The following WWOX variants were observed in gnomAD, a reference collection of about 807,000 sequenced individuals.
WWOX encodes the protein WW domain-containing oxidoreductase.
Under a neutral mutation model 46.2 loss-of-function variants are expected in WWOX, and 69 were observed. The ratio of observed to expected loss-of-function variants is 1.49; its 90% CI spans 1.23 to 1.82. WWOX has a LOEUF of 1.82. WWOX is among the 40% of genes most tolerant of loss of function. The probability of loss-of-function intolerance (pLI) is 0.00; values close to 1 mark genes in which losing one functional copy is unlikely to be tolerated. For synonymous variants in WWOX, 359 were observed against 202.6 expected (o/e 1.77, Z -6.56); for missense variants, 919 against 542.6 (o/e 1.69, Z -6.89).
intron 5 of WWOX, among the ~76,000 whole-genome samples, chr16:78,346,251 TCA>T (rs2081092399): frequency 8.2e-6 from 1 of 121,894 alleles, no homozygotes; most frequent in African/African-American, 2.8e-5. Context: ...TGTGGAGAAA[TCA>T]CATTGTTTTA....
At chr16:78,726,876 C>T (rs942768358) in intron 8 of WWOX, among the ~76,000 whole-genome samples, 5 of 152,054 alleles carry the variant, frequency 3.3e-5, no homozygotes, top group East Asian at 1.9e-4. Flanking sequence ...GGAGCTGAGT[C>T]GGGAGTTGAA....
In WWOX at chr16:79,167,794, C is replaced by T. The variant is rs80147219; in HGVS notation, c.1057-43814C>T. ...GTTAACCATTTTAAAGTGTACACTT[C>T]AGTGGCATTTAGTGAACTCAGTGTT... On this transcript the variant is annotated intron_variant, in intron 8 of 8. Transcript: ENST00000566780. Among the ~76,000 whole-genome samples the T allele has an allele frequency of 2.5e-3, 375 of 152,328 alleles. 3 individuals carry two copies. The highest frequency in any genetic ancestry group is 8.5e-3 in the African/African-American group (353 of 41,570).
Position 78,946,558 on chromosome 16 carries a change from C to T in WWOX, c.1057-265050C>T, listed in dbSNP as rs147427514. Among the ~76,000 whole-genome samples, 104 of 152,194 alleles carry T rather than the reference C, an allele frequency of 6.8e-4. No individual in the cohort carries two copies. The East Asian group carries it at 8.7e-3, about 13-fold the overall frequency. Reference sequence around the variant, plus strand: ...CACAAAATGACCAAACCAGTCTTTCCGCTTATTTACACAATGAAGAAACAT... The same window carrying T: ...CACAAAATGACCAAACCAGTCTTTCTGCTTATTTACACAATGAAGAAACAT... On this transcript the variant is annotated intron_variant, in intron 8 of 8. Transcript: ENST00000566780.
rs530113907 is a variant in WWOX, at chr16:79,176,363, A to G, written c.1057-35245A>G. The stretch of plus-strand genomic sequence containing the variant: ...TTCTTACCAGCCTTAACCTCATTCT[A>G]TTGGTAAGCACTAGTCACATGGCTA... On this transcript the variant is annotated intron_variant, in intron 8 of 8. Transcript: ENST00000566780. 1.1e-4 allele frequency among the ~76,000 whole-genome samples: 17 copies of G among 152,242 alleles called. No homozygotes were observed. The South Asian group carries it at 1.7e-3, about 15-fold the overall frequency.
chr16:79,098,814 T>G (rs1271850604), intron 8 of WWOX, among the ~76,000 whole-genome samples: 1 of 152,190 alleles, frequency 6.6e-6, no homozygotes, highest in African/African-American at 2.4e-5. Flanking sequence ...TACATTCTCC[T>G]TTTTTTCCTT....
intron 8 of WWOX, among the ~76,000 whole-genome samples, chr16:79,192,173 C>G (rs1177319192): frequency 6.6e-6 from 1 of 152,182 alleles, no homozygotes; most frequent in African/African-American, 2.4e-5. Flanking sequence ...ATTGCTCCTG[C>G]CAGCTCTAAT....
intron 8 of WWOX, among the ~76,000 whole-genome samples, chr16:79,114,693 G>C (rs888421797): frequency 7.2e-5 from 11 of 152,090 alleles, no homozygotes; most frequent in African/African-American, 2.7e-4. Flanking sequence ...GTGGCACTTT[G>C]TTATGGCAGC....
At chr16:78,547,294 A>T (rs768183101) in intron 8 of WWOX, among the ~76,000 whole-genome samples, 1 of 152,138 alleles carries the variant, frequency 6.6e-6, no homozygotes, top group African/African-American at 2.4e-5. Flanking sequence ...AATTAATACA[A>T]TTCTACTAGA....
At chr16:78,937,726 G>A (rs1175625836) in intron 8 of WWOX, among the ~76,000 whole-genome samples, 2 of 151,890 alleles carry the variant, frequency 1.3e-5, no homozygotes, top group Non-Finnish European at 2.9e-5. Context: ...CTGGGTTGAA[G>A]CGATTCTCCT....
intron 8 of WWOX, among the ~76,000 whole-genome samples, chr16:78,869,371 T>G (rs1504885): frequency 3.3e-5 from 5 of 151,994 alleles, no homozygotes; most frequent in African/African-American, 1.2e-4. Context: ...TGCAACCTGT[T>G]TTTCCTACTC....
intron 5 of WWOX, among the ~76,000 whole-genome samples, chr16:78,181,820 T>C (rs4888756): frequency 0.15 from 22,343 of 152,182 alleles, 1,989 homozygotes; most frequent in Non-Finnish European, 0.2. Context: ...TAATTAAATA[T>C]AGATTTTTTT....
At chr16:78,185,930 C>T (rs1002015032) in intron 5 of WWOX, among the ~76,000 whole-genome samples, 9 of 152,212 alleles carry the variant, frequency 5.9e-5, no homozygotes, top group East Asian at 1.9e-4. Flanking sequence ...CCTCCGAAAG[C>T]GTTGGGATTA....
At chr16:78,185,959 C>A (rs1428404732) in intron 5 of WWOX, among the ~76,000 whole-genome samples, 1 of 152,180 alleles carries the variant, frequency 6.6e-6, no homozygotes, top group East Asian at 1.9e-4. Flanking sequence ...AGTCAGAGCA[C>A]CCGGCCTCAA....
intron 8 of WWOX, among the ~76,000 whole-genome samples, chr16:78,645,989 C>G (rs556296612): frequency 8.5e-5 from 13 of 152,084 alleles, no homozygotes; most frequent in Non-Finnish European, 1.6e-4. Flanking sequence ...CCTTCTCTCC[C>G]CCTCCTCTCC....
At chr16:79,080,776 G>A (rs2048746273) in intron 8 of WWOX, among the ~76,000 whole-genome samples, 3 of 152,212 alleles carry the variant, frequency 2.0e-5, no homozygotes, top group South Asian at 2.1e-4. Flanking sequence ...AGACCAGCCC[G>A]GGCAACACAG....
chr16:78,952,404 C>G (rs1313370633), intron 8 of WWOX, among the ~76,000 whole-genome samples: 3 of 141,918 alleles, frequency 2.1e-5, no homozygotes, highest in East Asian at 2.1e-4. Flanking sequence ...TTTTTTGAGA[C>G]AAAAGTCTCG....
At chr16:78,811,278 C>G (rs2051181213) in intron 8 of WWOX, among the ~76,000 whole-genome samples, 1 of 152,106 alleles carries the variant, frequency 6.6e-6, no homozygotes, top group African/African-American at 2.4e-5. Context: ...AATTGATGAT[C>G]CTTCATTCTC....
chr16:78,720,128 C>G (rs756268323), intron 8 of WWOX, among the ~76,000 whole-genome samples: 1 of 152,146 alleles, frequency 6.6e-6, no homozygotes, highest in Non-Finnish European at 1.5e-5. Flanking sequence ...CTTGGTCTTA[C>G]TGACAATATT....
chr16:79,179,694 C>G (rs116669615), intron 8 of WWOX, among the ~76,000 whole-genome samples: 1 of 152,138 alleles, frequency 6.6e-6, no homozygotes, highest in African/African-American at 2.4e-5. Context: ...TTACCAGATC[C>G]TTCTTTAGTT....
Sources: allele counts gnomAD v4.1 joint callset (sites outside exome capture counted in the v4.1 genomes callset), GRCh38; gene constraint gnomAD v4.1.1; transcripts MANE v1.5; gene names NCBI Gene and HGNC (gene_info 2026-07-23, HGNC 2026-07-21).